ACSS3: variants seen among roughly 807,000 people sequenced by gnomAD.
ACSS3 encodes the protein acyl-CoA synthetase short-chain family member 3, mitochondrial.
ACSS3 carries 64 observed loss-of-function variants against 84.2 expected under a neutral mutation model. The ratio of observed to expected loss-of-function variants is 0.76; its 90% CI spans 0.62 to 0.94. The LOEUF (loss-of-function observed/expected upper bound fraction) is 0.94, where lower values mean the gene tolerates loss of function less well. Ranked by LOEUF, ACSS3 falls within the 40% of genes least tolerant of loss-of-function variation. The pLI is 0.00. For missense variants in ACSS3, 815 were observed against 867.6 expected, an observed-to-expected ratio of 0.94 and a Z score of 0.76; for synonymous variants, 317 against 310.1, an observed-to-expected ratio of 1.02 and a Z score of -0.23.
At chr12:81,109,096 T>C (rs1883339635) in intron 1 of ACSS3, among the ~76,000 whole-genome samples, 1 of 152,178 alleles carries the variant, frequency 6.6e-6, no homozygotes, top group African/African-American at 2.4e-5. Flanking sequence ...AAATAAAAAA[T>C]ACTTATAGCT....
chr12:81,252,153 C>T (rs913564539), intron 13 of ACSS3, among the ~76,000 whole-genome samples: 1 of 152,096 alleles, frequency 6.6e-6, no homozygotes, highest in Non-Finnish European at 1.5e-5. Context: ...CAGATCTACT[C>T]ATTGTTATTT....
At chr12:81,241,862 T>A (rs1033789888) in intron 13 of ACSS3, among the ~76,000 whole-genome samples, 1 of 152,224 alleles carries the variant, frequency 6.6e-6, no homozygotes. Flanking sequence ...TTGTCAATTC[T>A]GGCTTTTGTT....
intron 9 of ACSS3, among the ~76,000 whole-genome samples, chr12:81,202,831 G>C (rs1267372207): frequency 6.6e-6 from 1 of 152,224 alleles, no homozygotes; most frequent in Admixed American, 6.5e-5. Context: ...CCTGTGACTT[G>C]AGTTGTAAGA....
chr12:81,141,484 T>A (rs996095311), intron 4 of ACSS3, among the ~76,000 whole-genome samples: 1 of 152,214 alleles, frequency 6.6e-6, no homozygotes, highest in African/African-American at 2.4e-5. Flanking sequence ...GCTCTCCCAA[T>A]ACCGCCTTTT....
chr12:81,128,959 T>A (rs1476514843), intron 2 of ACSS3, among the ~76,000 whole-genome samples: 3 of 152,194 alleles, frequency 2.0e-5, no homozygotes, highest in Non-Finnish European at 4.4e-5. Flanking sequence ...CAAATTATAA[T>A]GGAAAATTTT....
intron 7 of ACSS3, among the ~76,000 whole-genome samples, chr12:81,172,660 A>C (rs2135814251): frequency 6.6e-6 from 1 of 152,274 alleles, no homozygotes; most frequent in South Asian, 2.1e-4. Context: ...CAAAGCAAAA[A>C]AATATGGTGT....
intron 1 of ACSS3, among the ~76,000 whole-genome samples, chr12:81,081,002 A>G (rs533147212): frequency 3.3e-4 from 51 of 152,272 alleles, no homozygotes; most frequent in African/African-American, 1.2e-3. Context: ...GCTATAGCTA[A>G]TTGTTCTCTC....
chr12:81,108,270 T>TATTA (rs1245407079), intron 1 of ACSS3, among the ~76,000 whole-genome samples: 17 of 146,072 alleles, frequency 1.2e-4, no homozygotes, highest in Non-Finnish European at 2.0e-4. Flanking sequence ...TATTAATTAT[T>TATTA]ATTATTATTA....
intron 1 of ACSS3, among the ~76,000 whole-genome samples, chr12:81,109,046 T>TA (rs1483707277): frequency 1.3e-5 from 2 of 152,220 alleles, no homozygotes; most frequent in East Asian, 3.8e-4. Flanking sequence ...GAAAAGAGCT[T>TA]ATCTATTCTT....
At chr12:81,151,109 C>A (rs952136219) in intron 5 of ACSS3, among the ~76,000 whole-genome samples, 9 of 152,102 alleles carry the variant, frequency 5.9e-5, no homozygotes, top group Non-Finnish European at 1.3e-4. Flanking sequence ...CATTTATACC[C>A]AGTGTTCAAA....
rs578080507 is a variant in ACSS3, at chr12:81,254,959, T to A, written c.*37T>A. The stretch of plus-strand genomic sequence containing the variant: ...TATTCCTATTTTGAGTTGATTTAAT[T>A]TCTTAATTGAAATTAAATTATTTGA... On this transcript the variant is annotated 3_prime_UTR_variant, in exon 16 of 16. Coordinates refer to ENST00000548058, the MANE Select transcript of ACSS3 (RefSeq NM_024560.4). The A allele has an allele frequency of 6.8e-7, 1 of 1,463,540 alleles. No homozygotes were observed. Among genetic ancestry groups the A allele is most frequent in the African/African-American group, 1.4e-5 (1 of 69,610 alleles). The allele number at this position is 1,463,540 out of a possible 1,614,324, so 90.7% of individuals were successfully genotyped here.
intron 1 of ACSS3, among the ~76,000 whole-genome samples, chr12:81,093,929 C>A (rs1455777296): frequency 2.0e-5 from 3 of 152,016 alleles, no homozygotes; most frequent in Non-Finnish European, 4.4e-5. Context: ...TACTATCCAT[C>A]CATATTATTT....
Position 81,259,336 on chromosome 12 carries a change from A to G in ACSS3, c.*4414A>G. 1 of 499,956 alleles carries G rather than the reference A, an allele frequency of 2.0e-6. No individual in the cohort carries two copies. The highest frequency in any genetic ancestry group is 3.7e-6 in the Non-Finnish European group (1 of 272,558). 31.0% of individuals were successfully genotyped at this position (499,956 alleles called of 1,614,324 possible). A position where few individuals can be genotyped will look rare whatever the true frequency, so the allele number is the denominator to read the frequency against. On this transcript the variant is annotated 3_prime_UTR_variant, in exon 16 of 16. Coordinates refer to ENST00000548058, the MANE Select transcript of ACSS3 (RefSeq NM_024560.4). ...CCATTTACATAAGACTTACACATTT[A>G]AAAAGAAATGCACGGTAATACATAA...
intron 7 of ACSS3, among the ~76,000 whole-genome samples, chr12:81,160,525 C>A (rs1887098055): frequency 6.6e-6 from 1 of 152,106 alleles, no homozygotes; most frequent in Admixed American, 6.5e-5. Context: ...CTTTATGTAC[C>A]TATATGACTT....
intron 8 of ACSS3, among the ~76,000 whole-genome samples, chr12:81,181,985 C>T (rs1393677443): frequency 1.3e-5 from 2 of 152,002 alleles, no homozygotes. Context: ...GGACTAACAG[C>T]TTATTTAATG....
chr12:81,260,890 T>TTTAGGTTGAAAAAAA lies in ACSS3; in HGVS notation c.*5969_*5983dup, dbSNP rs2035244706. ...GTTAAATATTTTGGTAAAGCATAGT[T>TTTAGGTTGAAAAAAA]TTAGGTTGAAAAAAAATTATGAACA... On this transcript the variant is annotated 3_prime_UTR_variant, in exon 16 of 16. Transcript: ENST00000548058. 1 of 152,206 alleles carries TTTAGGTTGAAAAAAA rather than the reference T, an allele frequency of 6.6e-6. No homozygotes were observed. The highest frequency in any genetic ancestry group is 2.1e-4 in the South Asian group (1 of 4,830). The allele number at this position is 152,206 out of a possible 1,614,324, so 9.4% of individuals were successfully genotyped here.
At chr12:81,219,419 G>A (rs964670484) in intron 10 of ACSS3, among the ~76,000 whole-genome samples, 1 of 152,054 alleles carries the variant, frequency 6.6e-6, no homozygotes, top group Non-Finnish European at 1.5e-5. Flanking sequence ...AAAAGATGAT[G>A]ACTTATCTTC....
chr12:81,151,964 G>A, intron 6 of ACSS3, 37 bp from the exon 7 acceptor site: 2 of 1,611,720 alleles, frequency 1.2e-6, no homozygotes, highest in Non-Finnish European at 1.7e-6. Context: ...GACATTCTCT[G>A]AATAAAATAT....
At chr12:81,183,382 AGAC>A (rs981562778) in intron 8 of ACSS3, among the ~76,000 whole-genome samples, 2 of 152,180 alleles carry the variant, frequency 1.3e-5, no homozygotes, top group Non-Finnish European at 2.9e-5. Flanking sequence ...TAACAAAGGT[AGAC>A]AACAAGAAAG....
Sources: gnomAD v4.1 joint callset for allele counts (sites outside exome capture counted in the v4.1 genomes callset) on GRCh38, gnomAD v4.1.1 for gene constraint, MANE v1.5 for transcripts, NCBI Gene and HGNC (gene_info 2026-07-23, HGNC 2026-07-21) for gene names.